The following UNC13B variants were observed in gnomAD, a reference collection of about 807,000 sequenced individuals.
UNC13B encodes the protein protein unc-13 homolog B.
UNC13B carries 144 observed loss-of-function variants against 211.0 expected under a neutral mutation model. That is an observed-to-expected ratio of 0.68 (90% CI 0.60 to 0.78). The LOEUF is 0.78. Among genes scored for constraint, UNC13B ranks in the 30% least tolerant of loss-of-function variants. The pLI is 0.00. For missense variants in UNC13B, 1,777 were observed against 2,002.0 expected (o/e 0.89, Z 2.14); for synonymous variants, 709 against 725.8 (o/e 0.98, Z 0.37).
intron 11 of UNC13B, among the ~76,000 whole-genome samples, chr9:35,317,444 C>G (rs1446421017): frequency 6.6e-6 from 1 of 151,094 alleles, no homozygotes; most frequent in Non-Finnish European, 1.5e-5. Flanking sequence ...CTTCTGAGCT[C>G]AAGCGATCCT....
chr9:35,166,134 C>A (rs949448529), intron 1 of UNC13B, among the ~76,000 whole-genome samples: 3 of 152,242 alleles, frequency 2.0e-5, no homozygotes, highest in East Asian at 3.9e-4. Flanking sequence ...GTAATCCCAG[C>A]ACTTTGGAAG....
intron 11 of UNC13B, among the ~76,000 whole-genome samples, chr9:35,317,537 T>A (rs1830523032): frequency 6.7e-6 from 1 of 149,892 alleles, no homozygotes; most frequent in African/African-American, 2.5e-5. Context: ...TTTTTTTTTT[T>A]TTTAAGACAG....
At chr9:35,310,178 T>G (rs949458365) in intron 9 of UNC13B, among the ~76,000 whole-genome samples, 3 of 152,214 alleles carry the variant, frequency 2.0e-5, no homozygotes, top group African/African-American at 7.2e-5. Context: ...TTAATAATTT[T>G]TAATCCTACT....
intron 7 of UNC13B, among the ~76,000 whole-genome samples, chr9:35,286,159 A>T (rs892428459): frequency 1.3e-5 from 2 of 148,506 alleles, no homozygotes; most frequent in African/African-American, 5.0e-5. Flanking sequence ...CTAATGAGGG[A>T]CTCTTGATGG....
chr9:35,370,792 C>T (rs112636491), intron 13 of UNC13B, among the ~76,000 whole-genome samples: 4 of 152,314 alleles, frequency 2.6e-5, no homozygotes, highest in African/African-American at 9.6e-5. Flanking sequence ...GAGCTTGATG[C>T]CTTCTTGGAA....
chr9:35,236,865 T>C (rs1421528138), intron 4 of UNC13B, among the ~76,000 whole-genome samples: 1 of 152,150 alleles, frequency 6.6e-6, no homozygotes, highest in African/African-American at 2.4e-5. Context: ...TGTGTGTCGG[T>C]GTGTGTGTTT....
chr9:35,299,878 TAAA>T (rs1829586563), intron 8 of UNC13B, among the ~76,000 whole-genome samples: 1 of 152,306 alleles, frequency 6.6e-6, no homozygotes, highest in East Asian at 1.9e-4. Flanking sequence ...GCTCACAGGC[TAAA>T]GATGAAAAAA....
At chr9:35,286,842 C>A (rs1462161379) in intron 7 of UNC13B, among the ~76,000 whole-genome samples, 1 of 152,128 alleles carries the variant, frequency 6.6e-6, no homozygotes, top group Non-Finnish European at 1.5e-5. Flanking sequence ...ATCCACAGGG[C>A]AGAAGCTCCT....
intron 7 of UNC13B, among the ~76,000 whole-genome samples, chr9:35,272,200 T>C (rs1827922958): frequency 8.3e-6 from 1 of 121,158 alleles, no homozygotes; most frequent in African/African-American, 2.8e-5. Context: ...CACAAGGAAA[T>C]ATAATTTTTT....
At chr9:35,273,253 A>G (rs1345896646) in intron 7 of UNC13B, among the ~76,000 whole-genome samples, 1 of 152,248 alleles carries the variant, frequency 6.6e-6, no homozygotes, top group Non-Finnish European at 1.5e-5. Context: ...CTGGGTTGTG[A>G]CAAATTATTT....
chr9:35,168,914 C>A (rs1821191025), intron 1 of UNC13B, among the ~76,000 whole-genome samples: 1 of 152,046 alleles, frequency 6.6e-6, no homozygotes, highest in Admixed American at 6.6e-5. Flanking sequence ...CTCAAGCAAT[C>A]TGCCTGTCTC....
At chr9:35,347,089 G>A (rs776282451) in intron 11 of UNC13B, among the ~76,000 whole-genome samples, 2 of 151,962 alleles carry the variant, frequency 1.3e-5, no homozygotes, top group African/African-American at 2.4e-5. Flanking sequence ...TTGTAGAGAC[G>A]TGATCTCCCT....
intron 5 of UNC13B, among the ~76,000 whole-genome samples, chr9:35,240,228 T>C (rs1245694577): frequency 6.6e-6 from 1 of 152,212 alleles, no homozygotes; most frequent in Admixed American, 6.6e-5. Context: ...CTGTTCAGGG[T>C]CCCTGACTTC....
intron 1 of UNC13B, among the ~76,000 whole-genome samples, chr9:35,195,574 G>A (rs1239091063): frequency 6.6e-6 from 1 of 152,118 alleles, no homozygotes; most frequent in Non-Finnish European, 1.5e-5. Flanking sequence ...CCTCATAGCT[G>A]TTTTGTTAAA....
At chr9:35,178,514 C>CA (rs970171302) in intron 1 of UNC13B, among the ~76,000 whole-genome samples, 23 of 148,314 alleles carry the variant, frequency 1.6e-4, no homozygotes, top group Admixed American at 3.4e-4. Flanking sequence ...AAAGAACAAA[C>CA]AAAAAAACAC....
At chr9:35,392,207 C>A (rs1835579749) in intron 26 of UNC13B, among the ~76,000 whole-genome samples, 1 of 152,148 alleles carries the variant, frequency 6.6e-6, no homozygotes, top group Non-Finnish European at 1.5e-5. Flanking sequence ...CTGACTAAAT[C>A]TTAGTTCTTA....
At chr9:35,168,270 A>G (rs1452493452) in intron 1 of UNC13B, among the ~76,000 whole-genome samples, 1 of 152,118 alleles carries the variant, frequency 6.6e-6, no homozygotes, top group Admixed American at 6.6e-5. Flanking sequence ...CAAGGGGTAC[A>G]TATGCAGGTT....
intron 11 of UNC13B, among the ~76,000 whole-genome samples, chr9:35,350,183 G>T (rs78207612): frequency 0.02 from 3,066 of 152,256 alleles, 53 homozygotes; most frequent in Middle Eastern, 0.037. Flanking sequence ...TCAGTAAAAA[G>T]GGAATGTATT....
chr9:35,401,512 C>A (rs1351267015), intron 37 of UNC13B, among the ~76,000 whole-genome samples: 1 of 152,148 alleles, frequency 6.6e-6, no homozygotes, highest in Admixed American at 6.6e-5. Flanking sequence ...TTTTTAGAAG[C>A]ATTGAGCTTT....
Sources: gnomAD v4.1 joint callset for allele counts (sites outside exome capture counted in the v4.1 genomes callset) on GRCh38, gnomAD v4.1.1 for gene constraint, MANE v1.5 for transcripts, NCBI Gene and HGNC (gene_info 2026-07-23, HGNC 2026-07-21) for gene names.